SUSD4: variants seen among roughly 807,000 people sequenced by gnomAD.
SUSD4 encodes sushi domain containing 4, also known as sushi domain-containing protein 4.
A neutral mutation model predicts 50.5 loss-of-function variants in SUSD4; 41 were observed. That is an observed-to-expected ratio of 0.81 (90% CI 0.63 to 1.05). The LOEUF (loss-of-function observed/expected upper bound fraction) is 1.05, where lower values mean the gene tolerates loss of function less well. Ranked by LOEUF, SUSD4 falls within the 50% of genes least tolerant of loss-of-function variation. The pLI is 0.00. For missense variants in SUSD4, 580 were observed against 634.7 expected, an observed-to-expected ratio of 0.91 and a Z score of 0.93; for synonymous variants, 257 against 257.3, an observed-to-expected ratio of 1.00 and a Z score of 0.01.
At chr1:223,296,155 C>T (rs1053641770) in intron 2 of SUSD4, among the ~76,000 whole-genome samples, 19 of 152,078 alleles carry the variant, frequency 1.2e-4, no homozygotes, top group African/African-American at 4.6e-4. Context: ...TCCTGCAGTA[C>T]TCCAGGTGAG....
chr1:223,244,142 C>T (rs559399902), intron 5 of SUSD4, among the ~76,000 whole-genome samples: 6 of 152,156 alleles, frequency 3.9e-5, no homozygotes, highest in South Asian at 4.1e-4. Flanking sequence ...ATGGAGCTCT[C>T]GGGCACCACA....
rs889731078 is a variant in SUSD4, at chr1:223,231,892, C to A, written c.725-2504G>T. 1.3e-5 allele frequency among the ~76,000 whole-genome samples: 2 copies of A among 152,298 alleles called. No homozygotes were observed. Among genetic ancestry groups the A allele is most frequent in the Middle Eastern group, 3.4e-3 (1 of 294 alleles). On this transcript the variant is annotated intron_variant, in intron 5 of 8. Coordinates refer to ENST00000366878, the MANE Select transcript of SUSD4 (RefSeq NM_017982.4). The surrounding 1 kb of genome is among the most constrained non-coding windows in gnomAD (Gnocchi z 4.2). Reference sequence around the variant, plus strand: ...GCCGGCATCTTCTCTGGGACAGGAGCCCCTTTCTGTGGTCAAGGGTATGGC... The same window carrying A: ...GCCGGCATCTTCTCTGGGACAGGAGACCCTTTCTGTGGTCAAGGGTATGGC...
chr1:223,336,665 C>CAGT (rs1484762443), intron 2 of SUSD4, among the ~76,000 whole-genome samples: 1 of 151,976 alleles, frequency 6.6e-6, no homozygotes, highest in African/African-American at 2.4e-5. Flanking sequence ...TTCATTTATG[C>CAGT]AGTAGTATCT....
intron 2 of SUSD4, among the ~76,000 whole-genome samples, chr1:223,355,059 C>T (rs185001844): frequency 2.0e-4 from 30 of 151,846 alleles, no homozygotes; most frequent in African/African-American, 6.3e-4. Context: ...ACTACAGACA[C>T]GTGCCACCAC....
chr1:223,286,194 C>T (rs1571976237), intron 3 of SUSD4, among the ~76,000 whole-genome samples: 1 of 152,120 alleles, frequency 6.6e-6, no homozygotes, highest in Non-Finnish European at 1.5e-5. Context: ...CGGCTCACTG[C>T]AAGCTCCTCC....
In SUSD4 at chr1:223,328,878, C is replaced by T. The variant is rs1416483832; in HGVS notation, c.148+34400G>A. ...CAAGTCCTGGCTGTATTGTCCCTAC[C>T]ATGACTCCACAAACTTTAATTTTGG... On this transcript the variant is annotated intron_variant, in intron 2 of 8. Coordinates refer to ENST00000366878, the MANE Select transcript of SUSD4 (RefSeq NM_017982.4). 3.9e-5 allele frequency among the ~76,000 whole-genome samples: 6 copies of T among 152,288 alleles called. No individual in the cohort carries two copies. The East Asian group carries it at 1.2e-3, about 29-fold the overall frequency.
intron 3 of SUSD4, among the ~76,000 whole-genome samples, chr1:223,282,451 A>G (rs1448857878): frequency 1.3e-5 from 2 of 152,174 alleles, no homozygotes; most frequent in African/African-American, 4.8e-5. Flanking sequence ...AATAACAGAC[A>G]AACAGAGAGC....
At chr1:223,236,500 T>C (rs976547114) in intron 5 of SUSD4, among the ~76,000 whole-genome samples, 7 of 152,130 alleles carry the variant, frequency 4.6e-5, no homozygotes, top group Admixed American at 2.0e-4. Context: ...AGGTATACGA[T>C]CTATTTTGAG....
chr1:223,298,671 C>A (rs887764265), intron 2 of SUSD4, among the ~76,000 whole-genome samples: 10 of 152,176 alleles, frequency 6.6e-5, no homozygotes, highest in African/African-American at 2.4e-4. Context: ...GAAGGACACA[C>A]AATTCAAGGG....
intron 8 of SUSD4, 111 bp downstream of exon 8, chr1:223,223,137 AT>A (rs1659238027): frequency 7.1e-7 from 1 of 1,416,926 alleles, no homozygotes; most frequent in Non-Finnish European, 9.2e-7. Context: ...AGGTAAACAG[AT>A]TGATTCGACT....
chr1:223,261,118 T>C (rs535975988), intron 5 of SUSD4, among the ~76,000 whole-genome samples: 8 of 152,238 alleles, frequency 5.3e-5, no homozygotes, highest in African/African-American at 1.9e-4. Flanking sequence ...CATGGCCACG[T>C]GGGAGACTAA....
At chr1:223,254,502 G>C (rs559788373) in intron 5 of SUSD4, among the ~76,000 whole-genome samples, 50 of 152,294 alleles carry the variant, frequency 3.3e-4, no homozygotes, top group African/African-American at 1.2e-3. Flanking sequence ...TCTTAAGCTA[G>C]TGAACAGCAG....
Position 223,264,637 on chromosome 1 carries a change from A to G in SUSD4, c.717T>C (p.Ala239=). ...IWSSSPPRCL[A]LEVCPLPPMV... is the part of the protein sequence containing the mutation. ...AAGAATGAGATGTGTTACCTTCCAGAGCAAGGCACCGGGGTGGGCTGGACG... is the reference window on the plus strand; with the variant it reads ...AAGAATGAGATGTGTTACCTTCCAGGGCAAGGCACCGGGGTGGGCTGGACG... Residue 239 remains alanine, a synonymous_variant, in exon 5 of 9, where the codon GCT becomes GCC. Transcript: ENST00000366878. 1 of 1,614,116 alleles carries G rather than the reference A, an allele frequency of 6.2e-7. No individual in the cohort carries two copies. Among genetic ancestry groups the G allele is most frequent in the South Asian group, 1.1e-5 (1 of 91,046 alleles).
At chr1:223,228,751 G>A (rs1444389592) in intron 6 of SUSD4, among the ~76,000 whole-genome samples, 2 of 152,050 alleles carry the variant, frequency 1.3e-5, no homozygotes, top group Admixed American at 1.3e-4. Flanking sequence ...TGGGTCCAGG[G>A]CAATGCATCT....
chr1:223,264,723 A>C lies in SUSD4; in HGVS notation c.631T>G (p.Phe211Val), dbSNP rs778510776. The C allele has an allele frequency of 6.2e-7, 1 of 1,614,254 alleles. No individual in the cohort carries two copies. The highest frequency in any genetic ancestry group is 2.2e-5 in the East Asian group (1 of 44,884). The part of the protein sequence containing the change: ...PVGTVISYRC[F>V]PGFKLDGSAY... ...GACCCATCAAGTTTAAATCCGGGAA[A>C]GCAGCGATAGGAGATCACAGTCCCC... is the stretch of plus-strand genomic sequence containing the variant. The change falls in exon 5 of 9, where the codon TTT becomes GTT. Residue 211 changes from phenylalanine to valine, a missense_variant. Transcript: ENST00000366878.
At chr1:223,297,388 A>G (rs1199223532) in intron 2 of SUSD4, among the ~76,000 whole-genome samples, 1 of 152,216 alleles carries the variant, frequency 6.6e-6, no homozygotes, top group Admixed American at 6.5e-5. Flanking sequence ...GTCTCTACAC[A>G]GCAGGAAGAA....
At position 223,332,274 on chromosome 1, in the gene SUSD4, A is replaced by G. The variant is rs1206988543; in HGVS notation, c.148+31004T>C. Among the ~76,000 whole-genome samples the G allele has an allele frequency of 6.6e-6, 1 of 152,242 alleles. No homozygotes were observed. Among genetic ancestry groups the G allele is most frequent in the African/African-American group, 2.4e-5 (1 of 41,466 alleles). ...AGCATGGCTAGGCTACCTCAAAGCAACTTGTTTTATACAAGCTCATATACA... is the reference window on the plus strand; with the variant it reads ...AGCATGGCTAGGCTACCTCAAAGCAGCTTGTTTTATACAAGCTCATATACA... On this transcript the variant is annotated intron_variant, in intron 2 of 8. Coordinates refer to ENST00000366878, the MANE Select transcript of SUSD4 (RefSeq NM_017982.4). This position sits in a 1 kb window ranked among gnomAD's most constrained non-coding sequence, Gnocchi z 4.0.
At chr1:223,284,196 A>T (rs192185754) in intron 3 of SUSD4, among the ~76,000 whole-genome samples, 72 of 152,296 alleles carry the variant, frequency 4.7e-4, no homozygotes, top group African/African-American at 1.6e-3. Context: ...AAACCTGCAC[A>T]TTGCGCACAT....
intron 2 of SUSD4, among the ~76,000 whole-genome samples, chr1:223,335,515 G>C (rs989533545): frequency 2.0e-5 from 3 of 152,142 alleles, no homozygotes; most frequent in African/African-American, 7.2e-5. Flanking sequence ...ACCCATCCAT[G>C]AACACAGGGC....
Sources: allele counts gnomAD v4.1 joint callset (sites outside exome capture counted in the v4.1 genomes callset), GRCh38; gene constraint gnomAD v4.1.1; non-coding constraint Gnocchi (gnomAD v3.1); transcripts MANE v1.5; gene names NCBI Gene and HGNC (gene_info 2026-07-23, HGNC 2026-07-21).